The following PALS1 variants were observed in gnomAD, a reference collection of about 807,000 sequenced individuals.
PALS1 encodes protein PALS1.
Under a neutral mutation model 78.9 loss-of-function variants are expected in PALS1, and 31 were observed. That is an observed-to-expected ratio of 0.39 (90% CI 0.30 to 0.53). PALS1 has a LOEUF of 0.53. PALS1 is among the 20% of genes least tolerant of loss of function. PALS1 has a pLI of 0.67. For synonymous variants in PALS1, 276 were observed against 270.9 expected, an observed-to-expected ratio of 1.02 and a Z score of -0.18; for missense variants, 704 against 826.5, an observed-to-expected ratio of 0.85 and a Z score of 1.82.
At chr14:67,259,655 A>C (rs1008167406) in intron 1 of PALS1, among the ~76,000 whole-genome samples, 2 of 152,102 alleles carry the variant, frequency 1.3e-5, no homozygotes, top group African/African-American at 4.8e-5. Flanking sequence ...TTATGCCTGT[A>C]ATCCCAGCGC....
At chr14:67,320,500 T>C (rs2085247065) in intron 12 of PALS1, 103 bp downstream of exon 12, 1 of 1,095,804 alleles carries the variant, frequency 9.1e-7, no homozygotes. Flanking sequence ...ATTAAAACAC[T>C]GTTGTCAGTG....
At chr14:67,299,925 T>A (rs937653838) in intron 4 of PALS1, among the ~76,000 whole-genome samples, 1 of 152,226 alleles carries the variant, frequency 6.6e-6, no homozygotes, top group African/African-American at 2.4e-5. Flanking sequence ...AGGTGTATGA[T>A]CAAGACTACA....
At position 67,327,081 on chromosome 14, in the gene PALS1, C is replaced by T. The variant is rs1471999468; in HGVS notation, c.1851+3269C>T. 2.6e-5 allele frequency among the ~76,000 whole-genome samples: 4 copies of T among 151,860 alleles called. 1 individual carries two copies. The South Asian group carries it at 6.2e-4, about 24-fold the overall frequency. ...TCCCAGCTACTTGGGAGGCTGAGGC[C>T]GGAGAATCACTTGAACCCGGGAGGT... On this transcript the variant is annotated intron_variant, in intron 14 of 14. Transcript: ENST00000261681.
intron 8 of PALS1, among the ~76,000 whole-genome samples, chr14:67,309,618 C>A (rs905531205): frequency 5.3e-5 from 8 of 152,146 alleles, no homozygotes; most frequent in Non-Finnish European, 8.8e-5. Context: ...GGAAAAGCAT[C>A]TCTGGGTGAT....
chr14:67,293,519 T>A (rs755364679), intron 4 of PALS1, among the ~76,000 whole-genome samples: 1 of 152,182 alleles, frequency 6.6e-6, no homozygotes, highest in Non-Finnish European at 1.5e-5. Flanking sequence ...CTTTGTAGAT[T>A]AGCACATAAT....
At chr14:67,314,977 G>A (rs1453580802) in intron 9 of PALS1, among the ~76,000 whole-genome samples, 2 of 152,030 alleles carry the variant, frequency 1.3e-5, no homozygotes, top group Admixed American at 6.6e-5. Flanking sequence ...GCATGGTGGT[G>A]CGTACCTGTA....
chr14:67,259,098 T>C (rs2084190643), intron 1 of PALS1, among the ~76,000 whole-genome samples: 3 of 150,808 alleles, frequency 2.0e-5, no homozygotes, highest in African/African-American at 2.4e-5. Flanking sequence ...CTGCCTCGGC[T>C]TCCCAAAGTG....
chr14:67,276,625 T>A (rs1443690987), intron 2 of PALS1, among the ~76,000 whole-genome samples: 1 of 152,140 alleles, frequency 6.6e-6, no homozygotes, highest in African/African-American at 2.4e-5. Flanking sequence ...TAGAACCTGT[T>A]AAGGAGATTG....
chr14:67,326,221 ATTTTTTTTTTTTTTTTT>A (rs760127048), intron 14 of PALS1, among the ~76,000 whole-genome samples: 37 of 12,912 alleles, frequency 2.9e-3, no homozygotes, highest in African/African-American at 4.7e-3. Context: ...TTTAGGTCTG[ATTTTTTTTTTTTTTTTT>A]TTTTTTTTTT....
chr14:67,320,157 G>C, intron 11 of PALS1, 73 bp from the exon 12 acceptor site: 1 of 1,391,418 alleles, frequency 7.2e-7, no homozygotes, highest in Non-Finnish European at 9.6e-7. Flanking sequence ...TTTGGGTGAA[G>C]ATCTATGAGT....
intron 8 of PALS1, among the ~76,000 whole-genome samples, chr14:67,305,617 A>C (rs2084991178): frequency 6.6e-6 from 1 of 152,222 alleles, no homozygotes; most frequent in African/African-American, 2.4e-5. Context: ...CCTGCTATTC[A>C]TGCAGAATCT....
At chr14:67,268,317 C>T (rs914127338) in intron 1 of PALS1, among the ~76,000 whole-genome samples, 4 of 152,154 alleles carry the variant, frequency 2.6e-5, no homozygotes, top group Admixed American at 1.3e-4. Context: ...AACTCTCATA[C>T]GATCGAATTC....
intron 3 of PALS1, among the ~76,000 whole-genome samples, chr14:67,284,582 A>AAAAAAAG (rs2084655458): frequency 6.9e-6 from 1 of 144,728 alleles, no homozygotes; most frequent in African/African-American, 2.6e-5. Flanking sequence ...AAAAAAAAAA[A>AAAAAAAG]AAAAAAGGTT....
At chr14:67,265,648 G>A (rs1046475998) in intron 1 of PALS1, among the ~76,000 whole-genome samples, 25 of 152,196 alleles carry the variant, frequency 1.6e-4, no homozygotes, top group African/African-American at 6.0e-4. Context: ...CCTGAGGTCA[G>A]AAGTTCAAGA....
At chr14:67,278,663 A>C (rs2084548959) in intron 2 of PALS1, among the ~76,000 whole-genome samples, 1 of 152,192 alleles carries the variant, frequency 6.6e-6, no homozygotes, top group Non-Finnish European at 1.5e-5. Context: ...ACAACTACTA[A>C]AAGATGATTA....
chr14:67,283,579 A>G (rs1162350205), intron 3 of PALS1, among the ~76,000 whole-genome samples: 1 of 152,162 alleles, frequency 6.6e-6, no homozygotes. Flanking sequence ...AATAAATGTT[A>G]TTAGCCATTC....
chr14:67,275,738 A>T (rs1036710534), intron 2 of PALS1, among the ~76,000 whole-genome samples: 1 of 152,138 alleles, frequency 6.6e-6, no homozygotes, highest in African/African-American at 2.4e-5. Context: ...TTGGCTGCGA[A>T]TCCATTTGGT....
At chr14:67,270,195 G>A (rs1280798590) in intron 2 of PALS1, 2 of 152,130 alleles carry the variant, frequency 1.3e-5, no homozygotes, top group African/African-American at 4.8e-5. Flanking sequence ...TCAATCATTT[G>A]CACTTGTTGT....
chr14:67,330,726 G>A (rs1001409629), intron 14 of PALS1, among the ~76,000 whole-genome samples: 1 of 149,110 alleles, frequency 6.7e-6, no homozygotes, highest in Non-Finnish European at 1.5e-5. Flanking sequence ...CCAAAGTGCT[G>A]GGATTATGGG....
Sources: gnomAD v4.1 joint callset for allele counts (sites outside exome capture counted in the v4.1 genomes callset) on GRCh38, gnomAD v4.1.1 for gene constraint, MANE v1.5 for transcripts, NCBI Gene and HGNC (gene_info 2026-07-23, HGNC 2026-07-21) for gene names.